The following PI4K2B variants were observed in gnomAD, a reference collection of about 807,000 sequenced individuals.
PI4K2B encodes the protein phosphatidylinositol 4-kinase type 2-beta.
In PI4K2B, 46 loss-of-function variants were observed where a neutral mutation model predicts 56.6. The observed-to-expected ratio is 0.81, with a 90% CI of 0.64 to 1.04. The LOEUF is 1.04. Among genes scored for constraint, PI4K2B ranks in the 50% least tolerant of loss-of-function variants. The probability of loss-of-function intolerance (pLI) is 0.00; values close to 1 mark genes in which losing one functional copy is unlikely to be tolerated. For synonymous variants in PI4K2B, 211 were observed against 223.8 expected (o/e 0.94, Z 0.51); for missense variants, 556 against 607.7 (o/e 0.91, Z 0.89).
chr4:25,259,206 CATTTGTTCACGTAA>C lies in PI4K2B; in HGVS notation c.910+19_910+32del, dbSNP rs1185135045. ...AGAAATACAGGTATTGAAGTTCTCT[CATTTGTTCACGTAA>C]ATCTTGTTCATTTTCAAACTATATT... On this transcript the variant is annotated intron_variant, in intron 5 of 9. Coordinates refer to ENST00000264864, the MANE Select transcript of PI4K2B (RefSeq NM_018323.4). 1 of 1,455,416 alleles carries C rather than the reference CATTTGTTCACGTAA, an allele frequency of 6.9e-7. No homozygotes were observed. The highest frequency in any genetic ancestry group is 9.5e-7 in the Non-Finnish European group (1 of 1,054,318). 90.2% of individuals were successfully genotyped at this position (1,455,416 alleles called of 1,614,324 possible).
At chr4:25,240,124 G>A (rs972262384) in intron 1 of PI4K2B, among the ~76,000 whole-genome samples, 3 of 152,218 alleles carry the variant, frequency 2.0e-5, no homozygotes, top group African/African-American at 7.2e-5. Flanking sequence ...GACCTAGAAA[G>A]GGGAGAAGTC....
At chr4:25,243,817 A>G (rs1275131867) in intron 1 of PI4K2B, among the ~76,000 whole-genome samples, 1 of 152,174 alleles carries the variant, frequency 6.6e-6, no homozygotes, top group Non-Finnish European at 1.5e-5. Flanking sequence ...TTTCTAGAAC[A>G]CAGGTCGACA....
At chr4:25,245,279 G>A (rs2109088669) in intron 1 of PI4K2B, among the ~76,000 whole-genome samples, 2 of 152,310 alleles carry the variant, frequency 1.3e-5, no homozygotes, top group Middle Eastern at 6.8e-3. Context: ...ACCAGAGACA[G>A]GTAGCAATTT....
intron 1 of PI4K2B, among the ~76,000 whole-genome samples, chr4:25,247,667 T>C (rs1715848228): frequency 6.6e-6 from 1 of 151,914 alleles, no homozygotes; most frequent in Admixed American, 6.6e-5. Context: ...CCAAAAGCCC[T>C]GAGGCTGGGT....
At chr4:25,260,613 TA>T (rs1358167971) in intron 6 of PI4K2B, 22 bp downstream of exon 6, 57 of 227,232 alleles carry the variant, frequency 2.5e-4, no homozygotes, top group South Asian at 9.8e-4. Context: ...TACAATTTTA[TA>T]TATATATATA....
In PI4K2B at chr4:25,246,370, C is replaced by T. The variant is rs181791374; in HGVS notation, c.269-5951C>T. ...CGTTTTGACAGGGTGCTGATTGGTG[C>T]GTTTACAATCCCTGAGCTAGACACA... is the stretch of plus-strand genomic sequence containing the variant. On this transcript the variant is annotated intron_variant, in intron 1 of 9. Transcript: ENST00000264864. Among the ~76,000 whole-genome samples, 919 of 152,218 alleles carry T rather than the reference C, an allele frequency of 6.0e-3. 11 individuals are homozygous for T. The highest frequency in any genetic ancestry group is 0.027 in the Middle Eastern group (8 of 294).
At chr4:25,241,323 A>C (rs556578911) in intron 1 of PI4K2B, among the ~76,000 whole-genome samples, 14 of 152,162 alleles carry the variant, frequency 9.2e-5, no homozygotes, top group African/African-American at 3.1e-4. Flanking sequence ...CTATGGTGTA[A>C]CCTGCCCTTC....
chr4:25,261,148 G>A (rs1716461623), intron 6 of PI4K2B, among the ~76,000 whole-genome samples: 1 of 152,014 alleles, frequency 6.6e-6, no homozygotes, highest in Admixed American at 6.6e-5. Context: ...ATGTAATAAA[G>A]GCTTCTGGGA....
intron 9 of PI4K2B, chr4:25,276,578 C>A: frequency 1.2e-6 from 1 of 839,948 alleles, no homozygotes; most frequent in Non-Finnish European, 1.4e-6. Context: ...CAGAACCTCG[C>A]ACATAGTAGG....
chr4:25,272,363 T>A (rs1716931007), intron 9 of PI4K2B, among the ~76,000 whole-genome samples: 1 of 152,346 alleles, frequency 6.6e-6, no homozygotes, highest in South Asian at 2.1e-4. Context: ...ATACTTTGGT[T>A]ATTATACGTT....
rs1032178621 is a variant in PI4K2B at position 25,234,104 on chromosome 4, C to T, written c.-60C>T. The T allele has an allele frequency of 9.3e-5, 115 of 1,232,442 alleles. No individual in the cohort carries two copies. The highest frequency in any genetic ancestry group is 1.1e-4 in the Non-Finnish European group (106 of 979,398). 76.3% of individuals were successfully genotyped at this position (1,232,442 alleles called of 1,614,324 possible). A position where few individuals can be genotyped will look rare whatever the true frequency, so the allele number is the denominator to read the frequency against. ...CTCCCGTTCCGCGCCATGCAGAGCC[C>T]AGTCTCTGGCACCTGGCTGCTCTGA... On this transcript the variant is annotated 5_prime_UTR_variant, in exon 1 of 10. Coordinates refer to ENST00000264864, the MANE Select transcript of PI4K2B (RefSeq NM_018323.4).
chr4:25,241,089 C>A (rs942086235), intron 1 of PI4K2B, among the ~76,000 whole-genome samples: 1 of 152,256 alleles, frequency 6.6e-6, no homozygotes, highest in Non-Finnish European at 1.5e-5. Context: ...CTATAATTTC[C>A]TTGTGGTATT....
chr4:25,255,963 G>C (rs1237253176), intron 3 of PI4K2B, among the ~76,000 whole-genome samples: 2 of 151,332 alleles, frequency 1.3e-5, no homozygotes, highest in African/African-American at 4.9e-5. Context: ...CTCGTGCCCA[G>C]GCTGGAGTAT....
chr4:25,239,405 C>T (rs1296265646), intron 1 of PI4K2B, among the ~76,000 whole-genome samples: 1 of 152,192 alleles, frequency 6.6e-6, no homozygotes, highest in African/African-American at 2.4e-5. Flanking sequence ...GCAGCTAAGG[C>T]CCAGTGAGAA....
chr4:25,276,060 C>G (rs534406584), intron 9 of PI4K2B, among the ~76,000 whole-genome samples: 94 of 152,246 alleles, frequency 6.2e-4, no homozygotes, highest in Non-Finnish European at 8.8e-4. Context: ...TCACTATTGA[C>G]TAGTCTTTAC....
At chr4:25,265,578 T>G (rs944870858) in intron 7 of PI4K2B, among the ~76,000 whole-genome samples, 1 of 152,220 alleles carries the variant, frequency 6.6e-6, no homozygotes, top group Non-Finnish European at 1.5e-5. Context: ...CATACTCATA[T>G]TTTCTGACTT....
At chr4:25,247,296 T>C (rs1316430658) in intron 1 of PI4K2B, among the ~76,000 whole-genome samples, 4 of 152,276 alleles carry the variant, frequency 2.6e-5, no homozygotes, top group Non-Finnish European at 5.9e-5. Context: ...TGAAAGTCCG[T>C]GAGTGGCGGT....
chr4:25,258,133 G>A lies in PI4K2B; in HGVS notation c.757-904G>A, dbSNP rs182085264. ...TCAAGGAAAGGACTTTTTTAAAACC[G>A]CTATCAATATTATGATTAATAGATT... On this transcript the variant is annotated intron_variant, in intron 4 of 9. Transcript: ENST00000264864. Among the ~76,000 whole-genome samples, 13 of 151,394 alleles carry A rather than the reference G, an allele frequency of 8.6e-5. No homozygotes were observed. The South Asian group carries it at 1.0e-3, about 12-fold the overall frequency.
intron 7 of PI4K2B, among the ~76,000 whole-genome samples, chr4:25,265,177 A>G (rs1046157938): frequency 7.7e-6 from 1 of 129,696 alleles, no homozygotes; most frequent in Non-Finnish European, 1.6e-5. Flanking sequence ...CCTGGGCAAC[A>G]AGAGTAAATC....
Sources: gnomAD v4.1 joint callset for allele counts (sites outside exome capture counted in the v4.1 genomes callset) on GRCh38, gnomAD v4.1.1 for gene constraint, MANE v1.5 for transcripts, NCBI Gene and HGNC (gene_info 2026-07-23, HGNC 2026-07-21) for gene names.